The following CAPN1 variants were observed in gnomAD, a reference collection of about 807,000 sequenced individuals.
CAPN1 encodes the protein calpain-1 catalytic subunit.
CAPN1 carries 77 observed loss-of-function variants against 105.2 expected under a neutral mutation model. The observed-to-expected ratio is 0.73, with a 90% confidence interval of 0.61 to 0.88. The LOEUF (loss-of-function observed/expected upper bound fraction) is 0.88. Among genes scored for constraint, CAPN1 ranks in the 40% least tolerant of loss-of-function variants. The probability of loss-of-function intolerance (pLI) is 0.00; values close to 1 mark genes in which losing one functional copy is unlikely to be tolerated. For missense variants in CAPN1, 833 were observed against 976.6 expected, an observed-to-expected ratio of 0.85 and a Z score of 1.96; for synonymous variants, 355 against 388.8, an observed-to-expected ratio of 0.91 and a Z score of 1.02.
intron 10 of CAPN1, among the ~76,000 whole-genome samples, chr11:65,199,997 G>A (rs1948844450): frequency 6.6e-6 from 1 of 152,028 alleles, no homozygotes; most frequent in South Asian, 2.1e-4. Flanking sequence ...ATTGCTCCGG[G>A]GTGTTTCTGC....
At position 65,209,352 on chromosome 11, in the gene CAPN1, C is replaced by T. The variant is rs1164893115; in HGVS notation, c.1759C>T (p.Leu587=). The T allele has an allele frequency of 2.5e-6, 4 of 1,613,694 alleles. No homozygotes were observed. Among genetic ancestry groups the T allele is most frequent in the Non-Finnish European group, 2.5e-6 (3 of 1,179,808 alleles). Residue 587 remains leucine (L), a synonymous_variant, in exon 17 of 22, where the codon CTA becomes TTA. Coordinates refer to ENST00000279247, the MANE Select transcript of CAPN1 (RefSeq NM_005186.4). This position sits in a 1 kb window ranked among gnomAD's most constrained non-coding sequence, Gnocchi z 4.1. ...HKDLRTKGFS[L]ESCRSMVNLM... Reference sequence around the variant, plus strand: ...AGACCTGCGGACCAAGGGCTTCAGCCTAGAGTCGTGCCGCAGCATGGTGAA... The same window carrying T: ...AGACCTGCGGACCAAGGGCTTCAGCTTAGAGTCGTGCCGCAGCATGGTGAA...
chr11:65,183,142 C>T lies in CAPN1; in HGVS notation c.282C>T (p.Asn94=). 6.2e-7 allele frequency: 1 copy of T among 1,613,860 alleles called. No individual in the cohort carries two copies. Among genetic ancestry groups the T allele is most frequent in the South Asian group, 1.1e-5 (1 of 91,088 alleles). The part of the protein sequence containing the change: ...KWKRPTELLS[N]PQFIVDGATR... ...GTCTCTCGTAGGAACTGCTGTCAAA[C>T]CCCCAGTTCATTGTGGATGGAGCTA... is the stretch of plus-strand genomic sequence containing the variant. Residue 94 remains asparagine (N), a synonymous_variant, in exon 3 of 22, where the codon AAC becomes AAT. Transcript: ENST00000279247.
At chr11:65,196,089 A>G (rs749002842) in intron 10 of CAPN1, among the ~76,000 whole-genome samples, 6 of 151,366 alleles carry the variant, frequency 4.0e-5, no homozygotes, top group Non-Finnish European at 7.4e-5. Flanking sequence ...TTAATTCCTG[A>G]TTTTAGTAAT....
In CAPN1 at chr11:65,210,888, G is replaced by A; in HGVS notation, c.2118+16G>A. 6.2e-7 allele frequency: 1 copy of A among 1,604,218 alleles called. No homozygotes were observed. Among genetic ancestry groups the A allele is most frequent in the Non-Finnish European group, 8.5e-7 (1 of 1,171,140 alleles). Reference sequence around the variant, plus strand: ...CTTGTTTAAGGTGGGAACCTCCCTGGGCCCATGGTTGGGGAAGAGTTCCAG... The same window carrying A: ...CTTGTTTAAGGTGGGAACCTCCCTGAGCCCATGGTTGGGGAAGAGTTCCAG... On this transcript the variant is annotated intron_variant, in intron 21 of 21. Coordinates refer to ENST00000279247, the MANE Select transcript of CAPN1 (RefSeq NM_005186.4). This position sits in a 1 kb window ranked among gnomAD's most constrained non-coding sequence, Gnocchi z 4.3.
In CAPN1 at chr11:65,186,311, G is replaced by C; in HGVS notation, c.732G>C (p.Arg244=). Residue 244 remains arginine, a synonymous_variant, in exon 6 of 22, where the codon CGG becomes CGC. Coordinates refer to ENST00000279247, the MANE Select transcript of CAPN1 (RefSeq NM_005186.4). ...AGATCATCCTCAAGGCGCTGGAGCG[G>C]GGCTCCCTGCTGGGCTGCTCCATAG... is the stretch of plus-strand genomic sequence containing the variant. ...LYQIILKALE[R]GSLLGCSIDI... is the part of the protein sequence containing the mutation. 1 of 1,613,068 alleles carries C rather than the reference G, an allele frequency of 6.2e-7. No individual in the cohort carries two copies. The highest frequency in any genetic ancestry group is 8.5e-7 in the Non-Finnish European group (1 of 1,179,446).
chr11:65,206,480 C>A lies in CAPN1; in HGVS notation c.1371C>A (p.Ala457=). The change falls in exon 13 of 22, where the codon GCC becomes GCA. Residue 457 remains alanine (A), a synonymous_variant. Coordinates refer to ENST00000279247, the MANE Select transcript of CAPN1 (RefSeq NM_005186.4). ...CCCACCAGCTGGTGGGCCAGCCGGC[C>A]GTACACTTGAAGCGTGACTTCTTCC... ...EVPPELVGQP[A]VHLKRDFFLA... 1 of 1,613,168 alleles carries A rather than the reference C, an allele frequency of 6.2e-7. No individual in the cohort carries two copies. Among genetic ancestry groups the A allele is most frequent in the South Asian group, 1.1e-5 (1 of 91,068 alleles).
chr11:65,183,640 C>A, intron 4 of CAPN1, 48 bp downstream of exon 4: 1 of 1,316,286 alleles, frequency 7.6e-7, no homozygotes, highest in Non-Finnish European at 1.1e-6. Context: ...GGGGGAGATG[C>A]GGAAGGATGA....
chr11:65,201,827 G>GT (rs1198171280), intron 10 of CAPN1, among the ~76,000 whole-genome samples: 1,726 of 103,140 alleles, frequency 0.017, 20 homozygotes, highest in South Asian at 0.047. Context: ...TTTTGTTTTT[G>GT]TTTTTTTTTT....
chr11:65,208,293 C>T lies in CAPN1; in HGVS notation c.1729+31C>T. On this transcript the variant is annotated intron_variant, in intron 16 of 21. Coordinates refer to ENST00000279247, the MANE Select transcript of CAPN1 (RefSeq NM_005186.4). This position sits in a 1 kb window ranked among gnomAD's most constrained non-coding sequence, Gnocchi z 4.1. ...TCCCCGCGGGGCTGTCCCACCACCC[C>T]ACCATTTCTTCCACATCAGAATCCA... 7 of 1,544,858 alleles carry T rather than the reference C, an allele frequency of 4.5e-6. No homozygotes were observed. The highest frequency in any genetic ancestry group is 6.1e-6 in the Non-Finnish European group (7 of 1,140,492).
chr11:65,209,445 TG>T lies in CAPN1; in HGVS notation c.1794+61del. ...GGGTTTTGGGTGGAGGTATCGGTGC[TG>T]GGAGAACTGTCCCAGGACAGCACAG... On this transcript the variant is annotated intron_variant, in intron 17 of 21. Transcript: ENST00000279247. This position sits in a 1 kb window ranked among gnomAD's most constrained non-coding sequence, Gnocchi z 4.1. 1 of 1,407,348 alleles carries T rather than the reference TG, an allele frequency of 7.1e-7. No homozygotes were observed. The highest frequency in any genetic ancestry group is 1.0e-6 in the Non-Finnish European group (1 of 1,002,036). 87.2% of individuals were successfully genotyped at this position (1,407,348 alleles called of 1,614,324 possible).
At chr11:65,196,301 A>G (rs1330641146) in intron 10 of CAPN1, among the ~76,000 whole-genome samples, 4 of 151,708 alleles carry the variant, frequency 2.6e-5, no homozygotes, top group Non-Finnish European at 4.4e-5. Context: ...TTAAATCCCA[A>G]GAACCAGTGA....
Position 65,211,608 on chromosome 11 carries a change from C to G in CAPN1, c.*322C>G. 2 of 491,992 alleles carry G rather than the reference C, an allele frequency of 4.1e-6. No individual in the cohort carries two copies. The highest frequency in any genetic ancestry group is 2.6e-5 in the South Asian group (1 of 38,198). 30.5% of individuals were successfully genotyped at this position (491,992 alleles called of 1,614,324 possible). ...CCCAGCATCCTGATGTGTCCCCTCT[C>G]CCCACTTCAGAGGCCACCCACTCAG... On this transcript the variant is annotated 3_prime_UTR_variant, in exon 22 of 22. Transcript: ENST00000279247.
At chr11:65,197,406 A>G (rs1590858191) in intron 10 of CAPN1, among the ~76,000 whole-genome samples, 2 of 152,188 alleles carry the variant, frequency 1.3e-5, no homozygotes, top group South Asian at 4.1e-4. Context: ...GACCACCTTC[A>G]TCTCTAATAA....
Position 65,209,689 on chromosome 11 carries a change from C to A in CAPN1, c.1795-160C>A. 2 of 734,410 alleles carry A rather than the reference C, an allele frequency of 2.7e-6. No individual in the cohort carries two copies. The highest frequency in any genetic ancestry group is 1.7e-5 in the South Asian group (1 of 57,296). The allele number at this position is 734,410 out of a possible 1,614,324, so 45.5% of individuals were successfully genotyped here. A position where few individuals can be genotyped will look rare whatever the true frequency, so the allele number is the denominator to read the frequency against. On this transcript the variant is annotated intron_variant, in intron 17 of 21. Transcript: ENST00000279247. The surrounding 1 kb of genome is among the most constrained non-coding windows in gnomAD (Gnocchi z 4.1). Reference sequence around the variant, plus strand: ...CTGCAGCCCAGCTCAGAGAATAAGGCAAGCCCGGCTGTGGGCTGACTGTAC... The same window carrying A: ...CTGCAGCCCAGCTCAGAGAATAAGGAAAGCCCGGCTGTGGGCTGACTGTAC...
rs1397805814 is a variant in CAPN1, at chr11:65,209,298, AT to A, written c.1730-24del. ...GGTGCAGGAAGCTCACTAGGTGGAG[AT>A]GTTGGAATTGGTTTTTCTTGCAGAC... On this transcript the variant is annotated intron_variant, in intron 16 of 21. Transcript: ENST00000279247. The surrounding 1 kb of genome is among the most constrained non-coding windows in gnomAD (Gnocchi z 4.1). The A allele has an allele frequency of 6.2e-7, 1 of 1,606,468 alleles. No individual in the cohort carries two copies. The highest frequency in any genetic ancestry group is 8.5e-7 in the Non-Finnish European group (1 of 1,174,644).
intron 1 of CAPN1, 50 bp from the exon 2 acceptor site, chr11:65,182,651 T>C: frequency 6.8e-7 from 1 of 1,460,264 alleles, no homozygotes; most frequent in South Asian, 1.4e-5. Context: ...GGAGCCCAGG[T>C]TCTAGTCTTG....
intron 10 of CAPN1, among the ~76,000 whole-genome samples, chr11:65,204,232 T>C (rs1381370094): frequency 6.6e-6 from 1 of 152,156 alleles, no homozygotes; most frequent in Non-Finnish European, 1.5e-5. Flanking sequence ...CCTGGCCGGC[T>C]CCTGGGAGCT....
Position 65,188,774 on chromosome 11 carries a change from C to G in CAPN1, c.1165+28C>G, listed in dbSNP as rs528232741. ...GCACAGGGGCGGGCTCTGGGTCTTG[C>G]TGCTTCCTGGCTTAGGGGCTCCAGA... is the stretch of plus-strand genomic sequence containing the variant. On this transcript the variant is annotated intron_variant, in intron 10 of 21. Coordinates refer to ENST00000279247, the MANE Select transcript of CAPN1 (RefSeq NM_005186.4). This position sits in a 1 kb window ranked among gnomAD's most constrained non-coding sequence, Gnocchi z 5.5. 1.3e-6 allele frequency: 2 copies of G among 1,543,336 alleles called. No individual in the cohort carries two copies. Among genetic ancestry groups the G allele is most frequent in the African/African-American group, 2.7e-5 (2 of 73,072 alleles).
In CAPN1 at chr11:65,210,378, G is replaced by A. The variant is rs1368821125; in HGVS notation, c.1985G>A (p.Arg662His). 2.5e-6 allele frequency: 4 copies of A among 1,613,334 alleles called. No individual in the cohort carries two copies. Among genetic ancestry groups the A allele is most frequent in the Non-Finnish European group, 2.5e-6 (3 of 1,179,708 alleles). ...NKKLYELIITRYSEPDLAVDF... is the reference protein window; with the variant it reads ...NKKLYELIITHYSEPDLAVDF... ...AAGCTGTACGAGCTCATCATCACCC[G>A]CTACTCGGAGCCCGACCTGGCGGTC... The change falls in exon 20 of 22, where the codon CGC becomes CAC. Residue 662 changes from arginine (R) to histidine (H), a missense_variant. Transcript: ENST00000279247. The surrounding 1 kb of genome is among the most constrained non-coding windows in gnomAD (Gnocchi z 4.3).
Sources: allele counts gnomAD v4.1 joint callset (sites outside exome capture counted in the v4.1 genomes callset), GRCh38; gene constraint gnomAD v4.1.1; non-coding constraint Gnocchi (gnomAD v3.1); transcripts MANE v1.5; gene names NCBI Gene and HGNC (gene_info 2026-07-23, HGNC 2026-07-21).